LDLRAD4: variants seen among roughly 807,000 people sequenced by gnomAD.
LDLRAD4 encodes low-density lipoprotein receptor class A domain-containing protein 4.
A neutral mutation model predicts 17.0 loss-of-function variants in LDLRAD4; 5 were observed. The ratio of observed to expected loss-of-function variants is 0.29; its 90% CI spans 0.15 to 0.62. LDLRAD4 has a LOEUF of 0.62. Among genes scored for constraint, LDLRAD4 ranks in the 20% least tolerant of loss-of-function variants. LDLRAD4 has a pLI of 0.84. For missense variants in LDLRAD4, 340 were observed against 424.7 expected, an observed-to-expected ratio of 0.80 and a Z score of 1.75; for synonymous variants, 168 against 171.8, an observed-to-expected ratio of 0.98 and a Z score of 0.17.
intron 3 of LDLRAD4, among the ~76,000 whole-genome samples, chr18:13,609,437 C>A (rs1255896010): frequency 6.6e-6 from 1 of 152,142 alleles, no homozygotes; most frequent in Non-Finnish European, 1.5e-5. Context: ...CTGGGAGAGG[C>A]CCTGTGCCTG....
chr18:13,497,255 C>A (rs962981274), intron 3 of LDLRAD4, among the ~76,000 whole-genome samples: 1 of 152,332 alleles, frequency 6.6e-6, no homozygotes, highest in African/African-American at 2.4e-5. Context: ...CAGCTCCCTG[C>A]AGTCTTGACT....
chr18:13,397,029 G>T (rs1338704905), intron 2 of LDLRAD4, among the ~76,000 whole-genome samples: 1 of 152,234 alleles, frequency 6.6e-6, no homozygotes, highest in East Asian at 1.9e-4. Flanking sequence ...AAGGAGATGG[G>T]GGTGTGCCCA....
chr18:13,570,262 C>T lies in LDLRAD4; in HGVS notation c.182-50855C>T, dbSNP rs374334747. Among the ~76,000 whole-genome samples, 101 of 152,300 alleles carry T rather than the reference C, an allele frequency of 6.6e-4. No homozygotes were observed. In the South Asian group the frequency reaches 0.011, roughly 17 times the overall value. On this transcript the variant is annotated intron_variant, in intron 3 of 5. Transcript: ENST00000359446. ...GAGCATGTGGGGGGCCTGGTCTGTG[C>T]GCAGGTCAGCCCTTCTGTGGGTAGT...
chr18:13,537,704 A>G (rs1266673960), intron 3 of LDLRAD4, among the ~76,000 whole-genome samples: 2 of 152,128 alleles, frequency 1.3e-5, no homozygotes, highest in African/African-American at 4.8e-5. Flanking sequence ...GTGGTCCATC[A>G]TTGACCAATA....
chr18:13,222,742 T>C (rs1486599010), intron 1 of LDLRAD4, among the ~76,000 whole-genome samples: 2 of 152,208 alleles, frequency 1.3e-5, no homozygotes, highest in Non-Finnish European at 2.9e-5. Context: ...GTGTCCTTTA[T>C]TTTGCTAGGC....
intron 1 of LDLRAD4, among the ~76,000 whole-genome samples, chr18:13,344,104 A>G (rs186361601): frequency 6.6e-6 from 1 of 152,112 alleles, no homozygotes; most frequent in African/African-American, 2.4e-5. Flanking sequence ...CCATTTGTCA[A>G]TTTTGGCTTT....
chr18:13,584,640 C>T (rs1290366), intron 3 of LDLRAD4, among the ~76,000 whole-genome samples: 38,026 of 152,092 alleles, frequency 0.25, 4,958 homozygotes, highest in Admixed American at 0.31. Context: ...TTCTTGTTAA[C>T]TGTGCACAAA....
chr18:13,598,862 G>A (rs2095126143), intron 3 of LDLRAD4, among the ~76,000 whole-genome samples: 1 of 152,184 alleles, frequency 6.6e-6, no homozygotes, highest in South Asian at 2.1e-4. Context: ...AACTTTATGG[G>A]CAGGATGGGC....
chr18:13,401,442 G>A (rs528292549), intron 2 of LDLRAD4, among the ~76,000 whole-genome samples: 8 of 151,884 alleles, frequency 5.3e-5, no homozygotes, highest in Admixed American at 5.2e-4. Context: ...TATATTTAGG[G>A]TTACTGCACT....
intron 1 of LDLRAD4, among the ~76,000 whole-genome samples, chr18:13,259,213 C>T (rs1377959445): frequency 6.6e-6 from 1 of 152,136 alleles, no homozygotes; most frequent in African/African-American, 2.4e-5. Flanking sequence ...CCTTCCTGCT[C>T]TATTGCCCAG....
intron 3 of LDLRAD4, among the ~76,000 whole-genome samples, chr18:13,577,624 G>C (rs1314160774): frequency 6.6e-6 from 1 of 152,164 alleles, no homozygotes; most frequent in Non-Finnish European, 1.5e-5. Context: ...AAACGCAAAA[G>C]CGAAGGGAGA....
chr18:13,531,623 T>C (rs1436942080), intron 3 of LDLRAD4, among the ~76,000 whole-genome samples: 1 of 149,226 alleles, frequency 6.7e-6, no homozygotes, highest in African/African-American at 2.5e-5. Flanking sequence ...AATCACACTT[T>C]GTGATAACAA....
intron 3 of LDLRAD4, among the ~76,000 whole-genome samples, chr18:13,508,441 T>C (rs2093728160): frequency 6.6e-6 from 1 of 152,224 alleles, no homozygotes; most frequent in Non-Finnish European, 1.5e-5. Flanking sequence ...TTTTCATAGC[T>C]GGAGAGGTCA....
chr18:13,621,245 C>A lies in LDLRAD4; in HGVS notation c.310C>A (p.Arg104=). The change falls in exon 4 of 6, where the codon CGG becomes AGG. Residue 104 remains arginine (R), a synonymous_variant. Transcript: ENST00000359446. The surrounding 1 kb of genome is among the most constrained non-coding windows in gnomAD (Gnocchi z 5.5). ...CTTCATCAACCGCCCGAACCAGAGC[C>A]GGAGGCGGGAGGACGGGCTGCCGCA... The A allele has an allele frequency of 2.5e-6, 4 of 1,613,386 alleles. No individual in the cohort carries two copies. Among genetic ancestry groups the A allele is most frequent in the Non-Finnish European group, 2.5e-6 (3 of 1,179,932 alleles).
intron 3 of LDLRAD4, among the ~76,000 whole-genome samples, chr18:13,603,998 A>G (rs1204098764): frequency 6.6e-6 from 1 of 152,252 alleles, no homozygotes; most frequent in Non-Finnish European, 1.5e-5. Flanking sequence ...CTGGAGAGCC[A>G]TGAATTCTTG....
At chr18:13,642,501 C>T in intron 4 of LDLRAD4, 4 of 1,222,746 alleles carry the variant, frequency 3.3e-6, no homozygotes, top group Non-Finnish European at 4.1e-6. Context: ...AAAAAGGATG[C>T]TAACTCACCA....
chr18:13,383,667 G>A lies in LDLRAD4; in HGVS notation c.-382-3674G>A, dbSNP rs537576065. Among the ~76,000 whole-genome samples the A allele has an allele frequency of 1.6e-4, 24 of 152,320 alleles. No homozygotes were observed. The East Asian group carries it at 4.4e-3, about 28-fold the overall frequency. ...GTTGGTTTCTAAACTAAAAGCACAC[G>A]TCTTGTCCAGAACAGGGCCTGCAGG... On this transcript the variant is annotated intron_variant, in intron 1 of 5. Transcript: ENST00000359446.
At chr18:13,595,781 T>C (rs2095088186) in intron 3 of LDLRAD4, among the ~76,000 whole-genome samples, 1 of 152,236 alleles carries the variant, frequency 6.6e-6, no homozygotes, top group Non-Finnish European at 1.5e-5. Flanking sequence ...ATTGGGTGAT[T>C]TCAATTATTT....
intron 1 of LDLRAD4, among the ~76,000 whole-genome samples, chr18:13,346,589 AG>A (rs1299619669): frequency 6.6e-6 from 1 of 152,194 alleles, no homozygotes; most frequent in African/African-American, 2.4e-5. Flanking sequence ...GATGTCTATT[AG>A]GTCTGCTTGG....
Sources: allele counts gnomAD v4.1 joint callset (sites outside exome capture counted in the v4.1 genomes callset), GRCh38; gene constraint gnomAD v4.1.1; non-coding constraint Gnocchi (gnomAD v3.1); transcripts MANE v1.5; gene names NCBI Gene and HGNC (gene_info 2026-07-23, HGNC 2026-07-21).